Variants in DNAH1 observed in about 807,000 individuals in gnomAD.
DNAH1 encodes dynein axonemal heavy chain 1, also known as axonemal beta dynein heavy chain 1.
Under a neutral mutation model 484.3 loss-of-function variants are expected in DNAH1, and 327 were observed. That is an observed-to-expected ratio of 0.68 (90% CI 0.62 to 0.74). DNAH1 has a LOEUF of 0.74. Among genes scored for constraint, DNAH1 ranks in the 30% least tolerant of loss-of-function variants. The pLI, the probability that DNAH1 is intolerant of heterozygous loss-of-function variation, is 0.00. For missense variants in DNAH1, 5,052 were observed against 5,546.8 expected (o/e 0.91, Z 2.83); for synonymous variants, 2,192 against 2,191.9 (o/e 1.00, Z 0.00).
rs1578208579 is a variant in DNAH1 at position 52,397,148 on chromosome 3, C to T, written c.11787+104C>T. ...GGTGGGAGGAGATGCAGCCCCCACC[C>T]TCCATCAGCTGTCTTTTCATCAGTC... On this transcript the variant is annotated intron_variant, in intron 73 of 77. Transcript: ENST00000420323. The T allele has an allele frequency of 4.7e-6, 5 of 1,059,144 alleles. No homozygotes were observed. The Admixed American group carries it at 8.4e-5, about 18-fold the overall frequency. 65.6% of individuals were successfully genotyped at this position (1,059,144 alleles called of 1,614,324 possible).
intron 50 of DNAH1, among the ~76,000 whole-genome samples, chr3:52,383,083 C>T (rs1263052376): frequency 2.0e-5 from 3 of 152,212 alleles, no homozygotes; most frequent in African/African-American, 7.2e-5. Context: ...CTGCCCGTGG[C>T]CATGGTTTCC....
chr3:52,359,806 G>C, intron 26 of DNAH1, 110 bp from the exon 27 acceptor site: 1 of 1,418,546 alleles, frequency 7.0e-7, no homozygotes, highest in Non-Finnish European at 9.7e-7. Context: ...GACCATCAGA[G>C]ACCCCCAGGA....
At chr3:52,335,537 G>T (rs1184909282) in intron 8 of DNAH1, among the ~76,000 whole-genome samples, 1 of 151,546 alleles carries the variant, frequency 6.6e-6, no homozygotes, top group East Asian at 1.9e-4. Context: ...TTGAACTCCT[G>T]ACCTCAGGTG....
Position 52,346,837 on chromosome 3 carries a change from A to G in DNAH1, c.1955+67A>G. ...ATGTGTCACCTGCTGGGGATGGAGC[A>G]GGGTCAGGGACCAGGGCCAGGGTGC... is the stretch of plus-strand genomic sequence containing the variant. On this transcript the variant is annotated intron_variant, in intron 11 of 77. Coordinates refer to ENST00000420323, the MANE Select transcript of DNAH1 (RefSeq NM_015512.5). 3 of 1,514,032 alleles carry G rather than the reference A, an allele frequency of 2.0e-6. No homozygotes were observed. The South Asian group carries it at 3.9e-5, about 20-fold the overall frequency. The allele number at this position is 1,514,032 out of a possible 1,614,324, so 93.8% of individuals were successfully genotyped here.
Position 52,370,648 on chromosome 3 carries a change from G to A in DNAH1, c.6417+13G>A, listed in dbSNP as rs1230755841. On this transcript the variant is annotated intron_variant, in intron 40 of 77. Coordinates refer to ENST00000420323, the MANE Select transcript of DNAH1 (RefSeq NM_015512.5). ...GGAGAACGAACAGGTGAGAGCCGGC[G>A]GCCCCCAGGGACCAGGAGCCTCAGT... The A allele has an allele frequency of 3.6e-5, 58 of 1,605,898 alleles. No homozygotes were observed. The highest frequency in any genetic ancestry group is 4.8e-5 in the Non-Finnish European group (56 of 1,176,360).
Position 52,371,833 on chromosome 3 carries a change from G to C in DNAH1, c.6526-113G>C, listed in dbSNP as rs1703352121. ...AGCAGCCCTGCACCTGGACCCGCTT[G>C]CCAAAGCCCAGCCGTGCAGCTCCTG... On this transcript the variant is annotated intron_variant, in intron 41 of 77. Coordinates refer to ENST00000420323, the MANE Select transcript of DNAH1 (RefSeq NM_015512.5). 5.4e-6 allele frequency: 8 copies of C among 1,488,172 alleles called. No individual in the cohort carries two copies. The South Asian group carries it at 1.0e-4, about 19-fold the overall frequency. The allele number at this position is 1,488,172 out of a possible 1,614,324, so 92.2% of individuals were successfully genotyped here.
chr3:52,341,261 G>A (rs535327897), intron 8 of DNAH1, among the ~76,000 whole-genome samples: 2 of 152,310 alleles, frequency 1.3e-5, no homozygotes, highest in East Asian at 1.9e-4. Flanking sequence ...GATGGCAGCA[G>A]CAGTTTCATG....
At chr3:52,384,060 T>A in intron 52 of DNAH1, 29 bp downstream of exon 52, 1 of 1,549,690 alleles carries the variant, frequency 6.5e-7, no homozygotes, top group Non-Finnish European at 8.7e-7. Context: ...CTCAGGCCCT[T>A]GGGGAGACCT....
intron 35 of DNAH1, 69 bp from the exon 36 acceptor site, chr3:52,366,664 C>T (rs1160462435): frequency 5.7e-6 from 9 of 1,565,580 alleles, no homozygotes; most frequent in Non-Finnish European, 7.8e-6. Context: ...CCCTCCCCCT[C>T]CCCTTGGCCC....
chr3:52,354,793 A>G (rs778041887), intron 20 of DNAH1, 50 bp from the exon 21 acceptor site: 7 of 1,582,782 alleles, frequency 4.4e-6, no homozygotes, highest in South Asian at 2.2e-5. Context: ...GTCAGACAGC[A>G]TCAGGACCAG....
intron 9 of DNAH1, among the ~76,000 whole-genome samples, chr3:52,345,166 G>A (rs1423873121): frequency 6.6e-6 from 1 of 152,196 alleles, no homozygotes; most frequent in Non-Finnish European, 1.5e-5. Context: ...GGTGCCCCAG[G>A]GCAGGCTGTG....
chr3:52,399,228 G>A (rs1234743329), intron 76 of DNAH1, 27 bp downstream of exon 76: 1 of 1,577,060 alleles, frequency 6.3e-7, no homozygotes, highest in East Asian at 2.2e-5. Context: ...GGCCAGGTCA[G>A]GTGACAGGCT....
At chr3:52,397,125 T>C in intron 73 of DNAH1, 81 bp downstream of exon 73, 1 of 1,283,592 alleles carries the variant, frequency 7.8e-7, no homozygotes, top group Admixed American at 2.6e-5. Context: ...TGGTGCTGGG[T>C]GGGAGGAGAT....
intron 53 of DNAH1, among the ~76,000 whole-genome samples, 176 bp downstream of exon 53, chr3:52,385,153 A>C (rs533258057): frequency 5.4e-4 from 83 of 152,382 alleles, no homozygotes; most frequent in Non-Finnish European, 1.1e-3. Flanking sequence ...GGGCCAGGCC[A>C]AAGCGTGGCA....
In DNAH1 at chr3:52,388,898, G is replaced by A; in HGVS notation, c.9456G>A (p.Leu3152=). The change falls in exon 59 of 78, where the codon CTG becomes CTA. Residue 3152 remains leucine, a synonymous_variant. Transcript: ENST00000420323. The part of the protein sequence containing the change: ...YMLNNISGDV[L]VAAGFVAYLG... ...TCAACAACATCTCCGGCGATGTCCT[G>A]GTGGCCGCTGGCTTTGTGGCCTACC... 2 of 1,612,288 alleles carry A rather than the reference G, an allele frequency of 1.2e-6. No individual in the cohort carries two copies. The highest frequency in any genetic ancestry group is 1.7e-6 in the Non-Finnish European group (2 of 1,178,788).
chr3:52,379,912 T>A lies in DNAH1; in HGVS notation c.7385T>A (p.Val2462Glu). ...ATGCTGGGGCTACTGCAGGACCAAG[T>A]GCAGCTGCTGCGACTGTGGTATCAC... ...MADPAKVEDQ[V>E]QLLRLWYHEN... Residue 2462 changes from valine (V) to glutamate (E), a missense_variant, in exon 48 of 78, where the codon GTG becomes GAG. By Grantham distance (121) the Val-to-Glu change is moderately radical. Around this residue, in one of 4 missense-constraint regions of DNAH1, gnomAD observed 2,929 missense variants for 3,409.4 expected, o/e 0.86. Transcript: ENST00000420323. This position sits in a 1 kb window ranked among gnomAD's most constrained non-coding sequence, Gnocchi z 4.4. 2 of 1,560,652 alleles carry A rather than the reference T, an allele frequency of 1.3e-6. No individual in the cohort carries two copies. The highest frequency in any genetic ancestry group is 8.7e-7 in the Non-Finnish European group (1 of 1,152,768).
Position 52,353,586 on chromosome 3 carries a change from A to G in DNAH1, c.3433A>G (p.Ile1145Val), listed in dbSNP as rs1460991152. The change falls in exon 20 of 78, where the codon ATC becomes GTC. Residue 1145 changes from isoleucine (I) to valine (V), a missense_variant. Around this residue, in one of 4 missense-constraint regions of DNAH1, gnomAD observed 2,929 missense variants for 3,409.4 expected, o/e 0.86. Transcript: ENST00000420323. This position sits in a 1 kb window ranked among gnomAD's most constrained non-coding sequence, Gnocchi z 5.0. ...EMNLQDHIESISKVAEVAGKE... is the reference protein window; with the variant it reads ...EMNLQDHIESVSKVAEVAGKE... ...GAACCTGCAGGACCATATCGAGAGCATCAGCAAGGTGGCTGAGGTGGCTGG... is the reference window on the plus strand; with the variant it reads ...GAACCTGCAGGACCATATCGAGAGCGTCAGCAAGGTGGCTGAGGTGGCTGG... The G allele has an allele frequency of 1.2e-6, 2 of 1,611,632 alleles. No homozygotes were observed. The highest frequency in any genetic ancestry group is 1.1e-5 in the South Asian group (1 of 90,652).
rs761300577 is a variant in DNAH1, at chr3:52,394,912, C to G, written c.10824-3C>G. On this transcript the variant is annotated splice_region_variant and splice_polypyrimidine_tract_variant and intron_variant, in intron 67 of 77. Coordinates refer to ENST00000420323, the MANE Select transcript of DNAH1 (RefSeq NM_015512.5). Reference sequence around the variant, plus strand: ...CTCAGGGAGGTGTGGGCCACTGTTGCAGGGAGCCTTTGCCTGGCATCTGGG... The same window carrying G: ...CTCAGGGAGGTGTGGGCCACTGTTGGAGGGAGCCTTTGCCTGGCATCTGGG... 3.1e-6 allele frequency: 5 copies of G among 1,613,182 alleles called. No homozygotes were observed. Among genetic ancestry groups the G allele is most frequent in the East Asian group, 2.2e-5 (1 of 44,880 alleles).
upstream of DNAH1, among the ~76,000 whole-genome samples, chr3:52,313,833 G>T (rs1700868167): frequency 6.6e-6 from 1 of 152,186 alleles, no homozygotes; most frequent in African/African-American, 2.4e-5. Flanking sequence ...ACACCACTCT[G>T]TACTGATGAC....
Sources: allele counts gnomAD v4.1 joint callset (sites outside exome capture counted in the v4.1 genomes callset), GRCh38; gene constraint gnomAD v4.1.1; regional missense constraint gnomAD v4.1.1; non-coding constraint Gnocchi (gnomAD v3.1); transcripts MANE v1.5; gene names NCBI Gene and HGNC (gene_info 2026-07-23, HGNC 2026-07-21).